TENM2: variants seen among roughly 807,000 people sequenced by gnomAD.
The protein encoded by TENM2 is teneurin-2.
Under a neutral mutation model 245.2 loss-of-function variants are expected in TENM2, and 52 were observed. That is an observed-to-expected ratio of 0.21 (90% CI 0.17 to 0.27). The LOEUF (loss-of-function observed/expected upper bound fraction) is 0.27, where lower values mean the gene tolerates loss of function less well. Ranked by LOEUF, TENM2 falls within the 10% of genes least tolerant of loss-of-function variation. The pLI is 1.00. For missense variants in TENM2, 3,046 were observed against 3,666.8 expected, an observed-to-expected ratio of 0.83 and a Z score of 4.37; for synonymous variants, 1,363 against 1,438.9, an observed-to-expected ratio of 0.95 and a Z score of 1.19.
At chr5:167,191,373 G>T in the TENM2 span, among the ~76,000 whole-genome samples, 1 of 152,136 alleles carries the variant, frequency 6.6e-6, no homozygotes, top group East Asian at 1.9e-4. Context: ...TTCCCAGAAA[G>T]CTTTGTTTAG....
intron 2 of TENM2, among the ~76,000 whole-genome samples, chr5:167,585,322 A>G (rs1279352237): frequency 2.0e-5 from 3 of 152,182 alleles, no homozygotes. Context: ...GTAGTCTAAA[A>G]GTGGTGACTA....
intron 2 of TENM2, among the ~76,000 whole-genome samples, chr5:167,554,191 T>C (rs911339622): frequency 6.6e-6 from 1 of 152,178 alleles, no homozygotes; most frequent in East Asian, 1.9e-4. Context: ...TTATCTAGAC[T>C]CTAAAATAGG....
chr5:167,811,998 G>T (rs1272641577), intron 2 of TENM2, among the ~76,000 whole-genome samples: 1 of 152,142 alleles, frequency 6.6e-6, no homozygotes, highest in Non-Finnish European at 1.5e-5. Context: ...AGCTGGGGAA[G>T]GTAGAGGACA....
At chr5:167,653,706 G>A (rs555590395) in intron 2 of TENM2, 1 of 152,260 alleles carries the variant, frequency 6.6e-6, no homozygotes, top group African/African-American at 2.4e-5. Flanking sequence ...TTTTCCAGAG[G>A]TGGGTCATGT....
the TENM2 span, among the ~76,000 whole-genome samples, chr5:167,090,163 G>T: frequency 6.6e-6 from 1 of 151,498 alleles, no homozygotes; most frequent in African/African-American, 2.4e-5. Context: ...AACCATTCTA[G>T]TGTATTTTCT....
At chr5:168,014,541 TA>T (rs1052691316) in intron 5 of TENM2, among the ~76,000 whole-genome samples, 4 of 151,876 alleles carry the variant, frequency 2.6e-5, no homozygotes, top group Non-Finnish European at 5.9e-5. Context: ...CCTTAAAGCT[TA>T]AAAAAAAATT....
rs192762403 is a variant in TENM2, at chr5:167,587,577, A to G, written c.502+212104A>G. ...GTGTCCTGGGTGCTGGTGGTGCTAG[A>G]GAGAAGAATTGGAAAAGATTTCAAA... On this transcript the variant is annotated intron_variant, in intron 2 of 28. Transcript: ENST00000518659. Among the ~76,000 whole-genome samples, 8 of 152,266 alleles carry G rather than the reference A, an allele frequency of 5.3e-5. No homozygotes were observed. In the East Asian group the frequency reaches 1.5e-3, roughly 29 times the overall value.
At chr5:167,427,612 G>C (rs1163681470) in intron 2 of TENM2, among the ~76,000 whole-genome samples, 1 of 98,564 alleles carries the variant, frequency 1.0e-5, no homozygotes, top group African/African-American at 6.1e-5. Flanking sequence ...GGGAGGGAAG[G>C]AAGGGAAGGA....
chr5:167,008,983 C>T, the TENM2 span, among the ~76,000 whole-genome samples: 3 of 152,120 alleles, frequency 2.0e-5, no homozygotes, highest in Non-Finnish European at 4.4e-5. Context: ...ACATGAGAGG[C>T]AGAAATGATC....
chr5:167,268,872 A>G, the TENM2 span, among the ~76,000 whole-genome samples: 12 of 142,710 alleles, frequency 8.4e-5, no homozygotes, highest in East Asian at 2.3e-3. Context: ...TCCAAAAGAT[A>G]CATAGATAGA....
At chr5:167,402,088 A>T (rs1366941319) in intron 2 of TENM2, among the ~76,000 whole-genome samples, 1 of 152,130 alleles carries the variant, frequency 6.6e-6, no homozygotes, top group African/African-American at 2.4e-5. Flanking sequence ...TAAGAGAAGC[A>T]GTTGGTTTTG....
At position 167,869,504 on chromosome 5, in the gene TENM2, A is replaced by C. The variant is rs183985802; in HGVS notation, c.503-6482A>C. Among the ~76,000 whole-genome samples, 15 of 152,370 alleles carry C rather than the reference A, an allele frequency of 9.8e-5. No individual in the cohort carries two copies. In the East Asian group the frequency reaches 2.5e-3, roughly 25 times the overall value. On this transcript the variant is annotated intron_variant, in intron 2 of 28. Coordinates refer to ENST00000518659, the Ensembl canonical transcript of TENM2. ...TGATAAGTGTGGAAGGGGTATAAGC[A>C]AAATCACTGAGGCTGGTGTTCAGCA...
the TENM2 span, among the ~76,000 whole-genome samples, chr5:167,061,084 T>C: frequency 1.3e-5 from 1 of 74,968 alleles, no homozygotes; most frequent in Non-Finnish European, 2.5e-5. Context: ...GATTAATCTC[T>C]CTCCAAAACA....
At chr5:167,424,214 A>C (rs2127429284) in intron 2 of TENM2, among the ~76,000 whole-genome samples, 1 of 152,132 alleles carries the variant, frequency 6.6e-6, no homozygotes, top group African/African-American at 2.4e-5. Context: ...TTGTTCTCTC[A>C]GTCATTCTTC....
chr5:167,973,737 G>T (rs1781978980), intron 4 of TENM2, among the ~76,000 whole-genome samples: 1 of 152,064 alleles, frequency 6.6e-6, no homozygotes, highest in Non-Finnish European at 1.5e-5. Flanking sequence ...GCAAGGCTGT[G>T]CCAGCATTCT....
intron 13 of TENM2, among the ~76,000 whole-genome samples, chr5:168,188,068 C>T (rs1760631044): frequency 6.6e-6 from 1 of 152,158 alleles, no homozygotes; most frequent in South Asian, 2.1e-4. Context: ...ATGCAACCTC[C>T]TAATTTGTTT....
chr5:168,148,076 T>G (rs889987650), intron 12 of TENM2, among the ~76,000 whole-genome samples: 1 of 152,230 alleles, frequency 6.6e-6, no homozygotes, highest in African/African-American at 2.4e-5. Flanking sequence ...TTCTGCCTCC[T>G]GGGAATTGCT....
At chr5:167,226,125 T>G in the TENM2 span, among the ~76,000 whole-genome samples, 2 of 151,954 alleles carry the variant, frequency 1.3e-5, no homozygotes, top group African/African-American at 4.8e-5. Context: ...TTTGATCATT[T>G]GTATTGATTT....
chr5:167,175,788 C>A, the TENM2 span, among the ~76,000 whole-genome samples: 3 of 152,210 alleles, frequency 2.0e-5, no homozygotes, highest in African/African-American at 7.2e-5. Context: ...CGGCTCACTG[C>A]AACCTGAGCC....
Sources: allele counts gnomAD v4.1 joint callset (sites outside exome capture counted in the v4.1 genomes callset), GRCh38; gene constraint gnomAD v4.1.1; transcripts MANE v1.5; gene names NCBI Gene and HGNC (gene_info 2026-07-23, HGNC 2026-07-21).